The following ZC3HAV1 variants were observed in gnomAD, a reference collection of about 807,000 sequenced individuals.
The protein encoded by ZC3HAV1 is zinc finger CCCH-type antiviral protein 1.
ZC3HAV1 carries 41 observed loss-of-function variants against 86.6 expected under a neutral mutation model. That is an observed-to-expected ratio of 0.47 (90% confidence interval 0.37 to 0.61). The LOEUF (loss-of-function observed/expected upper bound fraction) is 0.61. Ranked by LOEUF, ZC3HAV1 falls within the 20% of genes least tolerant of loss-of-function variation. ZC3HAV1 has a pLI of 0.00. For synonymous variants in ZC3HAV1, 421 were observed against 432.1 expected (o/e 0.97, Z 0.32); for missense variants, 964 against 1,141.1 (o/e 0.84, Z 2.24).
At chr7:139,078,953 A>T in intron 4 of ZC3HAV1, 1 of 1,071,860 alleles carries the variant, frequency 9.3e-7, no homozygotes, top group Non-Finnish European at 1.3e-6. Context: ...TGTCTTCACT[A>T]GTCAATCTCC....
intron 2 of ZC3HAV1, among the ~76,000 whole-genome samples, chr7:139,087,192 T>C (rs1210384112): frequency 1.3e-5 from 2 of 152,010 alleles, no homozygotes; most frequent in South Asian, 2.1e-4. Flanking sequence ...ATTCCCTCAA[T>C]GAAAGAAAAA....
At chr7:139,089,152 T>C (rs1274544254) in intron 2 of ZC3HAV1, among the ~76,000 whole-genome samples, 3 of 143,638 alleles carry the variant, frequency 2.1e-5, no homozygotes, top group African/African-American at 5.2e-5. Context: ...AGATTTGGCC[T>C]CTGGGTTATA....
intron 8 of ZC3HAV1, 123 bp downstream of exon 8, chr7:139,064,756 G>T (rs906701788): frequency 2.7e-6 from 4 of 1,500,632 alleles, no homozygotes; most frequent in African/African-American, 2.8e-5. Context: ...GCACTCCACC[G>T]CCTTGCTAAA....
chr7:139,045,431 A>C lies in ZC3HAV1; in HGVS notation c.*2163T>G, dbSNP rs1815928098. The C allele has an allele frequency of 6.6e-6, 1 of 152,210 alleles. No homozygotes were observed. The highest frequency in any genetic ancestry group is 2.4e-5 in the African/African-American group (1 of 41,452). The allele number at this position is 152,210 out of a possible 1,614,324, so 9.4% of individuals were successfully genotyped here. ...ATGTGTGTTTTGAATGTGCATTACT[A>C]AGTAAATTTTAAAAAATATAACCTT... On this transcript the variant is annotated 3_prime_UTR_variant, in exon 13 of 13. Coordinates refer to ENST00000242351, the MANE Select transcript of ZC3HAV1 (RefSeq NM_020119.4).
chr7:139,076,215 T>C, intron 6 of ZC3HAV1, 71 bp downstream of exon 6: 1 of 1,592,044 alleles, frequency 6.3e-7, no homozygotes. Flanking sequence ...CTTTTTCCCC[T>C]GAGCCTAGCA....
chr7:139,072,191 A>G (rs902570333), intron 7 of ZC3HAV1, among the ~76,000 whole-genome samples: 3 of 151,326 alleles, frequency 2.0e-5, no homozygotes, highest in Non-Finnish European at 4.4e-5. Context: ...TTGTCCCTGC[A>G]TTATCTTTTT....
chr7:139,075,568 T>C (rs1272889798), intron 6 of ZC3HAV1, among the ~76,000 whole-genome samples: 1 of 152,014 alleles, frequency 6.6e-6, no homozygotes, highest in African/African-American at 2.4e-5. Flanking sequence ...GAGTAGCGAG[T>C]AGCTGGGACC....
At chr7:139,072,654 C>T (rs116738476) in intron 7 of ZC3HAV1, among the ~76,000 whole-genome samples, 1,602 of 152,254 alleles carry the variant, frequency 0.011, 27 homozygotes, top group African/African-American at 0.037. Context: ...CTCACCTAAA[C>T]TTCCCTCCCT....
At chr7:139,098,632 G>A (rs975068643) in intron 1 of ZC3HAV1, among the ~76,000 whole-genome samples, 4 of 151,986 alleles carry the variant, frequency 2.6e-5, no homozygotes, top group East Asian at 3.9e-4. Flanking sequence ...TGAGACCCCC[G>A]TCTCTATTTT....
chr7:139,061,922 C>T (rs1334197314), intron 8 of ZC3HAV1, among the ~76,000 whole-genome samples: 5 of 152,168 alleles, frequency 3.3e-5, no homozygotes, highest in Non-Finnish European at 5.9e-5. Context: ...TGCAACAACG[C>T]GGTTGAGTCT....
At chr7:139,099,959 TAAATA>T (rs1438685090) in intron 1 of ZC3HAV1, among the ~76,000 whole-genome samples, 2 of 149,368 alleles carry the variant, frequency 1.3e-5, no homozygotes, top group African/African-American at 4.9e-5. Context: ...AAAAAGTAAA[TAAATA>T]AAATAAATAG....
chr7:139,093,306 G>A (rs1160330082), intron 1 of ZC3HAV1, among the ~76,000 whole-genome samples: 2 of 152,240 alleles, frequency 1.3e-5, no homozygotes, highest in Non-Finnish European at 2.9e-5. Context: ...AATTATTTAA[G>A]CCACTGTTCC....
chr7:139,080,168 T>C lies in ZC3HAV1; in HGVS notation c.773A>G (p.Gln258Arg). 5 of 1,614,226 alleles carry C rather than the reference T, an allele frequency of 3.1e-6. No individual in the cohort carries two copies. Among genetic ancestry groups the C allele is most frequent in the Non-Finnish European group, 4.2e-6 (5 of 1,180,044 alleles). ...CGCTGAAGCAGACGCAAGAAATTCT[T>C]GGCTGCCCTGAAAGAACCGATCTCT... ...KSRDRFFQGS[Q>R]EFLASASASA... Residue 258 changes from glutamine (Q) to arginine (R), a missense_variant, in exon 4 of 13, where the codon CAA (glutamine) becomes CGA (arginine). Transcript: ENST00000242351.
At position 139,054,811 on chromosome 7, in the gene ZC3HAV1, C is replaced by T. The variant is rs541768103; in HGVS notation, c.2187+394G>A. On this transcript the variant is annotated intron_variant, in intron 10 of 12. Transcript: ENST00000242351. ...TTTTGGAGACAGAGTCTCACTCTGT[C>T]GCCCAGGCTGCAGTGCAGTGGGCAG... Among the ~76,000 whole-genome samples, 83 of 152,208 alleles carry T rather than the reference C, an allele frequency of 5.5e-4. 1 individual carries two copies. Among genetic ancestry groups the T allele is most frequent in the Non-Finnish European group, 4.0e-4 (27 of 67,996 alleles).
intron 7 of ZC3HAV1, among the ~76,000 whole-genome samples, chr7:139,069,530 C>T (rs1816706749): frequency 1.3e-5 from 2 of 152,126 alleles, no homozygotes; most frequent in African/African-American, 2.4e-5. Context: ...CTAACTGGTG[C>T]ACATTCAACG....
intron 1 of ZC3HAV1, among the ~76,000 whole-genome samples, chr7:139,101,625 GAA>G: frequency 6.7e-6 from 1 of 149,026 alleles, no homozygotes; most frequent in South Asian, 2.2e-4. Context: ...TGTCTGTGTA[GAA>G]AGTAGACATG....
Position 139,073,756 on chromosome 7 carries a change from G to T in ZC3HAV1, c.1872+100C>A, listed in dbSNP as rs536999482. 5.6e-6 allele frequency: 7 copies of T among 1,258,530 alleles called. No homozygotes were observed. In the South Asian group the frequency reaches 6.4e-5, roughly 12 times the overall value. The allele number at this position is 1,258,530 out of a possible 1,614,324, so 78.0% of individuals were successfully genotyped here. A position where few individuals can be genotyped will look rare whatever the true frequency, so the allele number is the denominator to read the frequency against. On this transcript the variant is annotated intron_variant, in intron 7 of 12. Coordinates refer to ENST00000242351, the MANE Select transcript of ZC3HAV1 (RefSeq NM_020119.4). ...TCCACCTGCCTCAGCCTCCCAAAGT[G>T]CTGGGCTTACAGGCATGAGCCACCG...
At chr7:139,084,513 G>A (rs540559274) in intron 2 of ZC3HAV1, among the ~76,000 whole-genome samples, 53 of 152,296 alleles carry the variant, frequency 3.5e-4, no homozygotes, top group African/African-American at 8.9e-4. Flanking sequence ...ATACATGTAC[G>A]TGACTAGCTC....
intron 7 of ZC3HAV1, among the ~76,000 whole-genome samples, chr7:139,066,396 C>G (rs2130685954): frequency 6.6e-6 from 1 of 152,248 alleles, no homozygotes; most frequent in African/African-American, 2.4e-5. Context: ...GTCTCTTTAT[C>G]CTGGAGTGCA....
Sources: gnomAD v4.1 joint callset for allele counts (sites outside exome capture counted in the v4.1 genomes callset) on GRCh38, gnomAD v4.1.1 for gene constraint, MANE v1.5 for transcripts, NCBI Gene and HGNC (gene_info 2026-07-23, HGNC 2026-07-21) for gene names.